The following TRA2B variants were observed in gnomAD, a reference collection of about 807,000 sequenced individuals.
TRA2B encodes transformer-2 protein homolog beta.
In TRA2B, 14 loss-of-function variants were observed where a neutral mutation model predicts 41.7. The ratio of observed to expected loss-of-function variants is 0.34; its 90% CI spans 0.22 to 0.53. The LOEUF (loss-of-function observed/expected upper bound fraction) is 0.53. TRA2B is among the 20% of genes least tolerant of loss of function. TRA2B has a pLI of 0.95. For synonymous variants in TRA2B, 130 were observed against 128.8 expected, an observed-to-expected ratio of 1.01 and a Z score of -0.06; for missense variants, 167 against 396.8, an observed-to-expected ratio of 0.42 and a Z score of 4.92.
At chr3:185,935,800 G>A (rs1057389490) in intron 1 of TRA2B, 1 of 985,198 alleles carries the variant, frequency 1.0e-6, no homozygotes, top group Non-Finnish European at 1.2e-6. Flanking sequence ...GGTTCCAATT[G>A]GAACACAAAC....
In TRA2B at chr3:185,937,965, G is replaced by A. The variant is rs1220698622; in HGVS notation, c.-105C>T. On this transcript the variant is annotated 5_prime_UTR_variant, in exon 1 of 9. Transcript: ENST00000453386. ...CGCAGCCCCGCACGACGCGCCGGTC[G>A]CCCAGCCGCTCAGAGCCGAAATGCT... 22 of 1,423,024 alleles carry A rather than the reference G, an allele frequency of 1.5e-5. No homozygotes were observed. In the Admixed American group the frequency reaches 2.4e-4, roughly 16 times the overall value. The allele number at this position is 1,423,024 out of a possible 1,614,324, so 88.1% of individuals were successfully genotyped here. A position where few individuals can be genotyped will look rare whatever the true frequency, so the allele number is the denominator to read the frequency against.
chr3:185,936,895 C>A, intron 1 of TRA2B: 1 of 985,338 alleles, frequency 1.0e-6, no homozygotes, highest in Non-Finnish European at 1.2e-6. Context: ...ATTCAATCAA[C>A]CCTCACTGAA....
At position 185,937,910 on chromosome 3, in the gene TRA2B, C is replaced by T. The variant is rs201054816; in HGVS notation, c.-50G>A. ...GATGTGCTTCAATCGAAGCTGCCAA[C>T]CTCTTGCACCTTCCTTAAGGAGGCT... is the stretch of plus-strand genomic sequence containing the variant. On this transcript the variant is annotated 5_prime_UTR_variant, in exon 1 of 9. Coordinates refer to ENST00000453386, the MANE Select transcript of TRA2B (RefSeq NM_004593.3). The T allele has an allele frequency of 1.2e-6, 2 of 1,610,538 alleles. No individual in the cohort carries two copies. Among genetic ancestry groups the T allele is most frequent in the East Asian group, 2.2e-5 (1 of 44,840 alleles).
At chr3:185,934,815 T>G (rs1578488319) in intron 1 of TRA2B, 3 of 985,462 alleles carry the variant, frequency 3.0e-6, no homozygotes, top group South Asian at 9.4e-5. Context: ...GATGCTGCTA[T>G]TCATCTCTAA....
At chr3:185,936,580 A>T in intron 1 of TRA2B, 1 of 985,330 alleles carries the variant, frequency 1.0e-6, no homozygotes, top group Non-Finnish European at 1.2e-6. Context: ...CTTAATCAAA[A>T]GTTTGCTAAG....
intron 7 of TRA2B, among the ~76,000 whole-genome samples, chr3:185,918,860 G>A (rs1743605643): frequency 6.6e-6 from 1 of 151,918 alleles, no homozygotes; most frequent in South Asian, 2.1e-4. Context: ...AAAAAAATTA[G>A]CTCTGTGCGG....
In TRA2B at chr3:185,932,715, A is replaced by T. The variant is rs1744196362; in HGVS notation, c.36+5110T>A. Among the ~76,000 whole-genome samples, 3 of 152,206 alleles carry T rather than the reference A, an allele frequency of 2.0e-5. No homozygotes were observed. In the South Asian group the frequency reaches 6.2e-4, roughly 31 times the overall value. ...AAGATTGAATTTAGTTGATCTGTAA[A>T]TGTCTGTTGAACATACTAAACAAAA... On this transcript the variant is annotated intron_variant, in intron 1 of 8. Transcript: ENST00000453386.
chr3:185,934,381 A>AC, intron 1 of TRA2B: 1 of 985,398 alleles, frequency 1.0e-6, no homozygotes. Flanking sequence ...CACTTCCCCC[A>AC]CCACCTGAAT....
Position 185,917,476 on chromosome 3 carries a change from TA to T in TRA2B, c.*238del, listed in dbSNP as rs1341793010. On this transcript the variant is annotated 3_prime_UTR_variant, in exon 9 of 9. Coordinates refer to ENST00000453386, the MANE Select transcript of TRA2B (RefSeq NM_004593.3). ...TTCTCAGCAGTCAAAATTTAGACTGTAAAAAAATACATGCAAAACATACTTT... is the reference window on the plus strand; with the variant it reads ...TTCTCAGCAGTCAAAATTTAGACTGTAAAAAATACATGCAAAACATACTTT... 3 of 475,716 alleles carry T rather than the reference TA, an allele frequency of 6.3e-6. No individual in the cohort carries two copies. The highest frequency in any genetic ancestry group is 4.1e-5 in the Admixed American group (1 of 24,252). The allele number at this position is 475,716 out of a possible 1,614,324, so 29.5% of individuals were successfully genotyped here. A position where few individuals can be genotyped will look rare whatever the true frequency, so the allele number is the denominator to read the frequency against.
intron 1 of TRA2B, chr3:185,935,324 G>A: frequency 1.0e-6 from 1 of 984,748 alleles, no homozygotes; most frequent in Non-Finnish European, 1.2e-6. Context: ...AGATTTTAGT[G>A]TTAATCTATT....
chr3:185,917,890 A>G (rs1293803188), intron 8 of TRA2B, among the ~76,000 whole-genome samples, 165 bp from the exon 9 acceptor site: 1 of 152,184 alleles, frequency 6.6e-6, no homozygotes, highest in Non-Finnish European at 1.5e-5. Context: ...TACACCAGAA[A>G]TGAGATAGCA....
intron 1 of TRA2B, chr3:185,926,967 G>A (rs1743976123): frequency 2.2e-6 from 1 of 446,494 alleles, no homozygotes; most frequent in African/African-American, 2.0e-5. Context: ...AGAGTTATTT[G>A]ACCCCACTTC....
In TRA2B at chr3:185,922,016, A is replaced by G. The variant is rs145444665; in HGVS notation, c.633T>C (p.Pro211=). The G allele has an allele frequency of 8.7e-4, 1,394 of 1,606,300 alleles. 3 individuals are homozygous for G. The highest frequency in any genetic ancestry group is 7.3e-3 in the Middle Eastern group (44 of 6,048). The part of the protein sequence containing the change: ...TPTPGIYMGR[P]TYGSSRRRDY... Reference sequence around the variant, plus strand: ...TATTTTGAAAATAAACTTACTAGGTAGGTCTCCCCATGTAAATTCCTGGTG... The same window carrying G: ...TATTTTGAAAATAAACTTACTAGGTGGGTCTCCCCATGTAAATTCCTGGTG... Residue 211 remains proline, a synonymous_variant, in exon 5 of 9, where the codon CCT becomes CCC. Transcript: ENST00000453386.
At chr3:185,932,043 C>A (rs1744167898) in intron 1 of TRA2B, among the ~76,000 whole-genome samples, 1 of 151,568 alleles carries the variant, frequency 6.6e-6, no homozygotes, top group African/African-American at 2.4e-5. Flanking sequence ...ATATGGTAAT[C>A]TCATTTCTCT....
intron 1 of TRA2B, chr3:185,937,380 C>A (rs1309754285): frequency 1.0e-6 from 1 of 1,000,212 alleles, no homozygotes; most frequent in Non-Finnish European, 1.2e-6. Flanking sequence ...TTACGAAGCG[C>A]GGCCCGCTGC....
intron 5 of TRA2B, among the ~76,000 whole-genome samples, chr3:185,921,607 G>GC (rs1190111261): frequency 6.6e-6 from 1 of 152,000 alleles, no homozygotes; most frequent in Non-Finnish European, 1.5e-5. Context: ...TACTAAAAAT[G>GC]CAAAAAATTA....
chr3:185,926,204 A>C (rs539322744), intron 2 of TRA2B, among the ~76,000 whole-genome samples: 1 of 151,538 alleles, frequency 6.6e-6, no homozygotes, highest in African/African-American at 2.4e-5. Flanking sequence ...AAAAAAAAAA[A>C]AGCGCACCAT....
At chr3:185,926,193 T>TAAA (rs11425526) in intron 2 of TRA2B, among the ~76,000 whole-genome samples, 2 of 144,102 alleles carry the variant, frequency 1.4e-5, no homozygotes, top group Non-Finnish European at 3.0e-5. Flanking sequence ...TGACCAACAT[T>TAAA]AAAAAAAAAA....
At chr3:185,933,730 TG>T (rs1744239227) in intron 1 of TRA2B, among the ~76,000 whole-genome samples, 1 of 152,084 alleles carries the variant, frequency 6.6e-6, no homozygotes, top group Non-Finnish European at 1.5e-5. Context: ...GAATAGTGTC[TG>T]GAAAAAAACA....
Sources: gnomAD v4.1 joint callset for allele counts (sites outside exome capture counted in the v4.1 genomes callset) on GRCh38, gnomAD v4.1.1 for gene constraint, MANE v1.5 for transcripts, NCBI Gene and HGNC (gene_info 2026-07-23, HGNC 2026-07-21) for gene names.